Variants in HTR1E observed in about 807,000 individuals in gnomAD.
The protein encoded by HTR1E is 5-hydroxytryptamine receptor 1E, also known as 5-HT-1E.
In HTR1E, 3 loss-of-function variants were observed where a neutral mutation model predicts 3.4. The ratio of observed to expected loss-of-function variants is 0.89; its 90% CI spans 0.41 to 2.31. The LOEUF (loss-of-function observed/expected upper bound fraction) is 2.31, where lower values mean the gene tolerates loss of function less well. HTR1E is among the 30% of genes most tolerant of loss of function. The pLI is 0.05. For missense variants in HTR1E, 392 were observed against 467.0 expected (o/e 0.84, Z 1.48); for synonymous variants, 170 against 182.8 (o/e 0.93, Z 0.56).
At position 87,016,662 on chromosome 6, in the gene HTR1E, CATT is replaced by C. The variant is rs1768331974; in HGVS notation, c.*233_*235del. 2.8e-6 allele frequency: 1 copy of C among 360,878 alleles called. No homozygotes were observed. The highest frequency in any genetic ancestry group is 4.4e-5 in the Admixed American group (1 of 22,576). The allele number at this position is 360,878 out of a possible 1,614,324, so 22.4% of individuals were successfully genotyped here. A position where few individuals can be genotyped will look rare whatever the true frequency, so the allele number is the denominator to read the frequency against. On this transcript the variant is annotated 3_prime_UTR_variant, in exon 2 of 2. Transcript: ENST00000305344. ...TCTGTGATACATAATTTCAAATAAA[CATT>C]ATCATACAAAAACAGAAATTTTGTA...
intron 1 of HTR1E, among the ~76,000 whole-genome samples, chr6:87,012,058 G>A (rs906653952): frequency 6.6e-6 from 1 of 152,172 alleles, no homozygotes; most frequent in Non-Finnish European, 1.5e-5. Context: ...TAGGCATGGG[G>A]TTCCCAACCT....
At position 86,946,722 on chromosome 6, in the gene HTR1E, C is replaced by A. The variant is rs977923402; in HGVS notation, c.-186+8899C>A. Among the ~76,000 whole-genome samples the A allele has an allele frequency of 5.9e-5, 9 of 152,156 alleles. 1 individual carries two copies. Among genetic ancestry groups the A allele is most frequent in the African/African-American group, 2.2e-4 (9 of 41,440 alleles). ...TCAAATCCAGCTACCCCAAGTTTTA[C>A]AATAACTTTATATGGTTTAATCTTA... is the stretch of plus-strand genomic sequence containing the variant. On this transcript the variant is annotated intron_variant, in intron 1 of 1. Transcript: ENST00000305344.
At chr6:87,007,038 T>C (rs1218701914) in intron 1 of HTR1E, among the ~76,000 whole-genome samples, 3 of 152,140 alleles carry the variant, frequency 2.0e-5, no homozygotes, top group Non-Finnish European at 4.4e-5. Context: ...CGTTTACCTA[T>C]GTAACAAACC....
At chr6:86,950,939 G>C (rs920801582) in intron 1 of HTR1E, among the ~76,000 whole-genome samples, 1 of 152,178 alleles carries the variant, frequency 6.6e-6, no homozygotes, top group Non-Finnish European at 1.5e-5. Context: ...CTCCAAAGGT[G>C]ATCATCTTCT....
intron 1 of HTR1E, among the ~76,000 whole-genome samples, chr6:86,972,554 G>C (rs1767575256): frequency 6.6e-6 from 1 of 152,106 alleles, no homozygotes; most frequent in African/African-American, 2.4e-5. Flanking sequence ...AAAAAATAAA[G>C]AAACAAAACG....
In HTR1E at chr6:86,987,537, G is replaced by C. The variant is rs530651377; in HGVS notation, c.-185-27613G>C. On this transcript the variant is annotated intron_variant, in intron 1 of 1. Transcript: ENST00000305344. Reference sequence around the variant, plus strand: ...TATATATGTTCAATCCAATATGGCAGCCACTAATCACATGTGCCTATTGAG... The same window carrying C: ...TATATATGTTCAATCCAATATGGCACCCACTAATCACATGTGCCTATTGAG... 2.0e-5 allele frequency among the ~76,000 whole-genome samples: 3 copies of C among 152,120 alleles called. No homozygotes were observed. In the South Asian group the frequency reaches 6.2e-4, roughly 32 times the overall value.
chr6:86,964,884 AAAC>A (rs1352518454), intron 1 of HTR1E, among the ~76,000 whole-genome samples: 9 of 152,362 alleles, frequency 5.9e-5, no homozygotes, highest in African/African-American at 1.7e-4. Flanking sequence ...TTAATAAATG[AAAC>A]AACATAGTAC....
At chr6:87,006,851 C>T (rs990087834) in intron 1 of HTR1E, among the ~76,000 whole-genome samples, 1 of 152,142 alleles carries the variant, frequency 6.6e-6, no homozygotes, top group Non-Finnish European at 1.5e-5. Flanking sequence ...CATGCTCTCA[C>T]TTATAAGTGG....
rs1768328742 is a variant in HTR1E, at chr6:87,016,472, C to T, written c.*40C>T. ...AAAGGCACGACTTTTTCCAGAGCCT[C>T]ATGAGTGGATGGGGGTAAGGGGTGC... On this transcript the variant is annotated 3_prime_UTR_variant, in exon 2 of 2. Coordinates refer to ENST00000305344, the MANE Select transcript of HTR1E (RefSeq NM_000865.3). 1 of 1,533,734 alleles carries T rather than the reference C, an allele frequency of 6.5e-7. No individual in the cohort carries two copies. The highest frequency in any genetic ancestry group is 8.8e-7 in the Non-Finnish European group (1 of 1,135,238).
intron 1 of HTR1E, among the ~76,000 whole-genome samples, chr6:86,975,947 A>ACACACACT (rs984062327): frequency 1.4e-5 from 2 of 139,784 alleles, no homozygotes; most frequent in Admixed American, 7.1e-5. Context: ...ACACACACAC[A>ACACACACT]CTCTCTCTCT....
intron 1 of HTR1E, among the ~76,000 whole-genome samples, chr6:86,961,970 A>G (rs961327964): frequency 3.3e-5 from 5 of 152,216 alleles, no homozygotes; most frequent in African/African-American, 1.2e-4. Flanking sequence ...AGTTACGTGC[A>G]TGCCTCTGCT....
At chr6:86,976,267 TG>T (rs1767637329) in intron 1 of HTR1E, among the ~76,000 whole-genome samples, 1 of 152,128 alleles carries the variant, frequency 6.6e-6, no homozygotes. Flanking sequence ...GGATGCTAAA[TG>T]GGAGAAATGT....
At chr6:86,957,429 G>C (rs1451828404) in intron 1 of HTR1E, among the ~76,000 whole-genome samples, 1 of 152,108 alleles carries the variant, frequency 6.6e-6, no homozygotes, top group Admixed American at 6.5e-5. Flanking sequence ...TAGGACATTT[G>C]AAAGTTTCTT....
intron 1 of HTR1E, among the ~76,000 whole-genome samples, chr6:86,944,105 A>C (rs947098543): frequency 8.5e-5 from 13 of 152,214 alleles, no homozygotes; most frequent in African/African-American, 1.4e-4. Flanking sequence ...GCTACTAACA[A>C]AACAGAGTGC....
chr6:86,984,812 G>A (rs1019606776), intron 1 of HTR1E, among the ~76,000 whole-genome samples: 9 of 152,122 alleles, frequency 5.9e-5, no homozygotes, highest in African/African-American at 1.9e-4. Context: ...AAAAACTGTG[G>A]CCCAGAGGTA....
At chr6:86,943,326 C>T (rs1768569816) in intron 1 of HTR1E, among the ~76,000 whole-genome samples, 1 of 152,162 alleles carries the variant, frequency 6.6e-6, no homozygotes, top group South Asian at 2.1e-4. Context: ...TGCATGTCAG[C>T]TAAGCTCCCG....
chr6:86,981,902 C>T (rs988447082), intron 1 of HTR1E, among the ~76,000 whole-genome samples: 3 of 152,228 alleles, frequency 2.0e-5, no homozygotes, highest in Admixed American at 2.0e-4. Flanking sequence ...TCTGGCCAGA[C>T]ATATTCACTA....
chr6:86,977,229 CG>C (rs1293687893), intron 1 of HTR1E, among the ~76,000 whole-genome samples: 8 of 152,250 alleles, frequency 5.3e-5, no homozygotes, highest in East Asian at 1.9e-4. Context: ...GTTGTTCCCA[CG>C]TTTGTGTCCG....
At chr6:86,940,044 A>C (rs1768523540) in intron 1 of HTR1E, among the ~76,000 whole-genome samples, 1 of 152,176 alleles carries the variant, frequency 6.6e-6, no homozygotes, top group Non-Finnish European at 1.5e-5. Context: ...AAGAGACAAA[A>C]TCCAGGACAC....
Sources: allele counts gnomAD v4.1 joint callset (sites outside exome capture counted in the v4.1 genomes callset), GRCh38; gene constraint gnomAD v4.1.1; transcripts MANE v1.5; gene names NCBI Gene and HGNC (gene_info 2026-07-23, HGNC 2026-07-21).